Variants in VPS33A observed in about 807,000 individuals in gnomAD.
VPS33A encodes the protein VPS33A core subunit of CORVET and HOPS complexes.
A neutral mutation model predicts 71.8 loss-of-function variants in VPS33A; 32 were observed. That is an observed-to-expected ratio of 0.45 (90% confidence interval 0.34 to 0.60). VPS33A has a LOEUF of 0.60. VPS33A is among the 20% of genes least tolerant of loss of function. The pLI is 0.02. For synonymous variants in VPS33A, 311 were observed against 292.7 expected, an observed-to-expected ratio of 1.06 and a Z score of -0.64; for missense variants, 625 against 748.5, an observed-to-expected ratio of 0.84 and a Z score of 1.92.
intron 4 of VPS33A, among the ~76,000 whole-genome samples, chr12:122,260,792 T>C (rs1299053711): frequency 1.3e-5 from 2 of 152,100 alleles, no homozygotes; most frequent in East Asian, 3.9e-4. Flanking sequence ...CCAAGCAACA[T>C]GGTGAAACCT....
chr12:122,266,048 T>A (rs575862672), intron 1 of VPS33A, among the ~76,000 whole-genome samples: 4 of 152,336 alleles, frequency 2.6e-5, no homozygotes, highest in Non-Finnish European at 5.9e-5. Context: ...AACCAGCTCA[T>A]CAGCTGCCGG....
chr12:122,242,690 T>C (rs1954731361), intron 7 of VPS33A, among the ~76,000 whole-genome samples, 182 bp from the exon 8 acceptor site: 3 of 152,222 alleles, frequency 2.0e-5, no homozygotes, highest in Middle Eastern at 6.8e-3. Flanking sequence ...GTAGCTGGGA[T>C]TACAGGTGCC....
At chr12:122,237,318 G>C (rs1032440398) in intron 10 of VPS33A, among the ~76,000 whole-genome samples, 6 of 152,128 alleles carry the variant, frequency 3.9e-5, no homozygotes, top group African/African-American at 1.2e-4. Flanking sequence ...CACTCAAATT[G>C]CCTGGTTTAC....
Position 122,249,839 on chromosome 12 carries a change from C to T in VPS33A, c.775+32G>A, listed in dbSNP as rs201035891. ...CACAAAGGATATTCTTCTCATATTACCTATTAGTGAAAACAGATGTCATGT... is the reference window on the plus strand; with the variant it reads ...CACAAAGGATATTCTTCTCATATTATCTATTAGTGAAAACAGATGTCATGT... On this transcript the variant is annotated intron_variant, in intron 6 of 12. Transcript: ENST00000267199. 4 of 1,581,486 alleles carry T rather than the reference C, an allele frequency of 2.5e-6. No individual in the cohort carries two copies. The Admixed American group carries it at 5.3e-5, about 21-fold the overall frequency.
rs527548962 is a variant in VPS33A, at chr12:122,230,190, T to C, written c.*2056A>G. 6.6e-6 allele frequency: 1 copy of C among 152,366 alleles called. No individual in the cohort carries two copies. 9.4% of individuals were successfully genotyped at this position (152,366 alleles called of 1,614,324 possible). On this transcript the variant is annotated 3_prime_UTR_variant, in exon 13 of 13. Coordinates refer to ENST00000267199, the MANE Select transcript of VPS33A (RefSeq NM_022916.6). The stretch of plus-strand genomic sequence containing the variant: ...TTCCATGAGAAACTAATCTTTCAAT[T>C]ATTATCTCTGCCACTCTTCATTCTT...
intron 10 of VPS33A, among the ~76,000 whole-genome samples, chr12:122,237,268 C>A (rs1348591948): frequency 1.3e-5 from 2 of 152,156 alleles, no homozygotes; most frequent in Non-Finnish European, 2.9e-5. Flanking sequence ...AAGTTCTTTT[C>A]CTCCGTGGTA....
chr12:122,234,850 C>G (rs772880283), intron 11 of VPS33A, among the ~76,000 whole-genome samples: 14 of 152,294 alleles, frequency 9.2e-5, no homozygotes, highest in Admixed American at 5.9e-4. Context: ...CCCCTCACCC[C>G]TTACCTCACC....
chr12:122,254,422 A>G (rs1353052665), intron 4 of VPS33A, among the ~76,000 whole-genome samples: 2 of 86,042 alleles, frequency 2.3e-5, no homozygotes, highest in Non-Finnish European at 4.2e-5. Flanking sequence ...TTTTTTTTTG[A>G]GATAGGCTCT....
chr12:122,252,183 G>A (rs1021580905), intron 4 of VPS33A, among the ~76,000 whole-genome samples: 2 of 152,162 alleles, frequency 1.3e-5, no homozygotes, highest in Non-Finnish European at 2.9e-5. Context: ...CCGGAGCCCA[G>A]GGATTTGAGG....
chr12:122,265,313 G>A (rs1955052673), intron 1 of VPS33A, among the ~76,000 whole-genome samples: 1 of 152,076 alleles, frequency 6.6e-6, no homozygotes, highest in Non-Finnish European at 1.5e-5. Flanking sequence ...AAGGGAGTGA[G>A]GACTCCAACC....
intron 6 of VPS33A, among the ~76,000 whole-genome samples, chr12:122,247,654 TTAC>T (rs1954792814): frequency 6.6e-6 from 1 of 152,248 alleles, no homozygotes; most frequent in South Asian, 2.1e-4. Context: ...AATATAAAAA[TTAC>T]TACTTTGTTT....
At position 122,266,378 on chromosome 12, in the gene VPS33A, T is replaced by G; in HGVS notation, c.31A>C (p.Asn11His). MAAHLSYGRV[N>H]LNVLREAVRR... is the part of the protein sequence containing the mutation. ...ACCGCCTCGCGCAACACGTTTAGGT[T>G]CACTCGGCCGTAGGACAGATGAGCC... The change falls in exon 1 of 13, where the codon AAC becomes CAC. Residue 11 changes from asparagine to histidine, a missense_variant. Physicochemically the swap from Asn to His is moderately conservative, Grantham distance 68. Transcript: ENST00000267199. 6.2e-7 allele frequency: 1 copy of G among 1,613,600 alleles called. No individual in the cohort carries two copies.
chr12:122,233,895 T>TG (rs1954596961), intron 11 of VPS33A, among the ~76,000 whole-genome samples: 1 of 152,176 alleles, frequency 6.6e-6, no homozygotes, highest in Non-Finnish European at 1.5e-5. Flanking sequence ...ACAGCTGAAC[T>TG]AATATGTACA....
At chr12:122,251,468 G>C (rs1164629857) in intron 4 of VPS33A, among the ~76,000 whole-genome samples, 1 of 152,198 alleles carries the variant, frequency 6.6e-6, no homozygotes, top group African/African-American at 2.4e-5. Context: ...AACTCTGGTA[G>C]GACATGCTGG....
In VPS33A at chr12:122,230,565, G is replaced by GTT. The variant is rs1352259534; in HGVS notation, c.*1680_*1681insAA. 7.9e-5 allele frequency: 12 copies of GTT among 152,298 alleles called. No individual in the cohort carries two copies. The highest frequency in any genetic ancestry group is 2.9e-4 in the African/African-American group (12 of 41,564). The allele number at this position is 152,298 out of a possible 1,614,324, so 9.4% of individuals were successfully genotyped here. On this transcript the variant is annotated 3_prime_UTR_variant, in exon 13 of 13. Coordinates refer to ENST00000267199, the MANE Select transcript of VPS33A (RefSeq NM_022916.6). ...CACTGCACTCCAGTCTGAAAAGAGC[G>GTT]TGAGACTCTGTCTCAAACAAACAAA... is the stretch of plus-strand genomic sequence containing the variant.
chr12:122,258,015 T>C (rs7962385), intron 4 of VPS33A, among the ~76,000 whole-genome samples: 68,772 of 151,988 alleles, frequency 0.45, 17,686 homozygotes, highest in African/African-American at 0.69. Flanking sequence ...TATCCATGTG[T>C]AAAAAATGAA....
Position 122,238,889 on chromosome 12 carries a change from T to A in VPS33A, c.1165-165A>T, listed in dbSNP as rs374944828. The stretch of plus-strand genomic sequence containing the variant: ...AGGAGATACGTGGGAAAATGAGTTA[T>A]TTTTCCACAGTCCCTAACCCTTCCC... On this transcript the variant is annotated intron_variant, in intron 9 of 12. Transcript: ENST00000267199. 9.3e-5 allele frequency among the ~76,000 whole-genome samples: 14 copies of A among 150,168 alleles called. No homozygotes were observed. In the East Asian group the frequency reaches 1.8e-3, roughly 19 times the overall value.
At chr12:122,235,129 G>T (rs772471339) in intron 11 of VPS33A, among the ~76,000 whole-genome samples, 1 of 151,686 alleles carries the variant, frequency 6.6e-6, no homozygotes, top group Non-Finnish European at 1.5e-5. Flanking sequence ...ACTACCACTG[G>T]CCATTTTTTT....
At chr12:122,250,239 C>T in intron 5 of VPS33A, 194 bp from the exon 6 acceptor site, 1 of 560,808 alleles carries the variant, frequency 1.8e-6, no homozygotes, top group South Asian at 2.6e-5. Context: ...AAGGCAGCTG[C>T]CATTTGCCAA....
Sources: gnomAD v4.1 joint callset for allele counts (sites outside exome capture counted in the v4.1 genomes callset) on GRCh38, gnomAD v4.1.1 for gene constraint, MANE v1.5 for transcripts, NCBI Gene and HGNC (gene_info 2026-07-23, HGNC 2026-07-21) for gene names.